HSF5: variants seen among roughly 807,000 people sequenced by gnomAD.
HSF5 encodes the protein heat shock factor protein 5.
HSF5 carries 5 observed loss-of-function variants against 50.8 expected under a neutral mutation model. The observed-to-expected ratio is 0.10, with a 90% CI of 0.05 to 0.21. HSF5 has a LOEUF of 0.21. Among genes scored for constraint, HSF5 ranks in the 10% least tolerant of loss-of-function variants. The pLI is 1.00. For missense variants in HSF5, 564 were observed against 762.6 expected, an observed-to-expected ratio of 0.74 and a Z score of 3.07; for synonymous variants, 307 against 307.4, an observed-to-expected ratio of 1.00 and a Z score of 0.02.
rs544114744 is a variant in HSF5 at position 58,473,428 on chromosome 17, A to T, written c.926-6449T>A. ...TCTATATATAAAGATGAATATTCTT[A>T]AGTATGTTCAAATATATAGTGGAGA... On this transcript the variant is annotated intron_variant, in intron 2 of 5. Transcript: ENST00000323777. 6.6e-5 allele frequency among the ~76,000 whole-genome samples: 10 copies of T among 152,322 alleles called. No homozygotes were observed. In the South Asian group the frequency reaches 2.1e-3, roughly 32 times the overall value.
chr17:58,477,703 G>A lies in HSF5; in HGVS notation c.925+2190C>T, dbSNP rs574682632. 3.3e-5 allele frequency among the ~76,000 whole-genome samples: 5 copies of A among 151,968 alleles called. No individual in the cohort carries two copies. In the South Asian group the frequency reaches 1.0e-3, roughly 32 times the overall value. On this transcript the variant is annotated intron_variant, in intron 2 of 5. Transcript: ENST00000323777. ...TCTCGATCTCCTGACCTCGTGATCT[G>A]CCCGCCTCGGCCTCCCAAAGTGTTG...
intron 5 of HSF5, among the ~76,000 whole-genome samples, chr17:58,435,176 G>A (rs762677858): frequency 6.6e-6 from 1 of 152,200 alleles, no homozygotes; most frequent in Non-Finnish European, 1.5e-5. Flanking sequence ...ATATAATAGA[G>A]TGGCTTTGGA....
chr17:58,466,737 T>A (rs190803892), intron 3 of HSF5, 148 bp downstream of exon 3: 1 of 627,062 alleles, frequency 1.6e-6, no homozygotes, highest in African/African-American at 1.9e-5. Flanking sequence ...TTCTCTCTTT[T>A]TTTTTTTAAG....
intron 4 of HSF5, among the ~76,000 whole-genome samples, chr17:58,459,493 A>G (rs1567912729): frequency 6.6e-6 from 1 of 151,946 alleles, no homozygotes; most frequent in Non-Finnish European, 1.5e-5. Context: ...CAAAAATACA[A>G]AAAATTAGCC....
intron 5 of HSF5, among the ~76,000 whole-genome samples, chr17:58,453,287 T>G (rs1251294860): frequency 3.3e-5 from 5 of 151,528 alleles, no homozygotes. Flanking sequence ...CATGCAAAAA[T>G]CCTCAACAAA....
At chr17:58,448,610 C>T (rs1226239074) in intron 5 of HSF5, among the ~76,000 whole-genome samples, 2 of 151,982 alleles carry the variant, frequency 1.3e-5, no homozygotes, top group African/African-American at 2.4e-5. Context: ...AAAAAAATTG[C>T]CAATCAAGAA....
chr17:58,445,373 G>A (rs1974547152), intron 5 of HSF5, among the ~76,000 whole-genome samples: 1 of 152,156 alleles, frequency 6.6e-6, no homozygotes, highest in Non-Finnish European at 1.5e-5. Context: ...GAGTCCAGGA[G>A]TTTTGAGTCT....
intron 5 of HSF5, among the ~76,000 whole-genome samples, chr17:58,422,985 G>A (rs1055645813): frequency 3.3e-5 from 5 of 151,906 alleles, no homozygotes; most frequent in African/African-American, 1.2e-4. Context: ...CGTGAGCCAC[G>A]GTGCCTGGCC....
chr17:58,429,597 A>G (rs1284757935), intron 5 of HSF5, among the ~76,000 whole-genome samples: 1 of 151,998 alleles, frequency 6.6e-6, no homozygotes, highest in Non-Finnish European at 1.5e-5. Context: ...TGTAATCCCA[A>G]CACTTTGGGG....
At chr17:58,478,021 T>C (rs1455742473) in intron 2 of HSF5, among the ~76,000 whole-genome samples, 2 of 152,060 alleles carry the variant, frequency 1.3e-5, no homozygotes, top group Non-Finnish European at 2.9e-5. Context: ...CTTCTCTTTC[T>C]GGTCTTTTCT....
chr17:58,432,852 G>A (rs763221876), intron 5 of HSF5, among the ~76,000 whole-genome samples: 3 of 152,118 alleles, frequency 2.0e-5, no homozygotes, highest in Non-Finnish European at 2.9e-5. Context: ...GGACCATGGC[G>A]ACACCAAATA....
chr17:58,459,562 G>A (rs900357885), intron 4 of HSF5, among the ~76,000 whole-genome samples: 6 of 150,536 alleles, frequency 4.0e-5, no homozygotes, highest in African/African-American at 7.3e-5. Flanking sequence ...CAGGAGAATC[G>A]CTTGAACCCA....
At chr17:58,468,368 A>T (rs1343246630) in intron 2 of HSF5, among the ~76,000 whole-genome samples, 9 of 152,240 alleles carry the variant, frequency 5.9e-5, no homozygotes, top group Admixed American at 5.9e-4. Context: ...ACTGCACTCC[A>T]GCCTGGGTGA....
chr17:58,457,024 C>T (rs550371101), intron 5 of HSF5, among the ~76,000 whole-genome samples: 7 of 150,716 alleles, frequency 4.6e-5, no homozygotes, highest in African/African-American at 1.5e-4. Flanking sequence ...TGTGGGAGGC[C>T]GAGGCAGGCA....
chr17:58,466,842 G>T, intron 3 of HSF5, 43 bp downstream of exon 3: 2 of 1,188,962 alleles, frequency 1.7e-6, no homozygotes, highest in Non-Finnish European at 2.5e-6. Flanking sequence ...CGATAAAATT[G>T]CACATAAAGC....
intron 2 of HSF5, among the ~76,000 whole-genome samples, chr17:58,475,890 A>G (rs929112136): frequency 1.3e-5 from 2 of 152,144 alleles, no homozygotes; most frequent in Non-Finnish European, 2.9e-5. Flanking sequence ...ACAAGAAGGG[A>G]TAAAAATGAA....
At chr17:58,456,164 T>TACACACACAC (rs756729016) in intron 5 of HSF5, among the ~76,000 whole-genome samples, 2 of 130,514 alleles carry the variant, frequency 1.5e-5, no homozygotes, top group South Asian at 2.3e-4. Flanking sequence ...TGTGTGTGTA[T>TACACACACAC]ATACACACAC....
intron 5 of HSF5, among the ~76,000 whole-genome samples, chr17:58,448,012 T>C (rs1974582881): frequency 6.6e-6 from 1 of 151,522 alleles, no homozygotes; most frequent in East Asian, 1.9e-4. Flanking sequence ...TAGCCAGGCA[T>C]GATCCCAGCT....
chr17:58,440,819 A>G (rs1055002396), intron 5 of HSF5, among the ~76,000 whole-genome samples: 1 of 152,238 alleles, frequency 6.6e-6, no homozygotes, highest in Non-Finnish European at 1.5e-5. Flanking sequence ...AAAATAATCA[A>G]ATTAATAACT....
Sources: allele counts gnomAD v4.1 joint callset (sites outside exome capture counted in the v4.1 genomes callset), GRCh38; gene constraint gnomAD v4.1.1; transcripts MANE v1.5; gene names NCBI Gene and HGNC (gene_info 2026-07-23, HGNC 2026-07-21).